The following SLC2A13 variants were observed in gnomAD, a reference collection of about 807,000 sequenced individuals.
SLC2A13 encodes the protein solute carrier family 2 member 13, also known as proton myo-inositol cotransporter.
In SLC2A13, 32 loss-of-function variants were observed where a neutral mutation model predicts 64.4. That is an observed-to-expected ratio of 0.50 (90% CI 0.37 to 0.67). The LOEUF is 0.67. Ranked by LOEUF, SLC2A13 falls within the 30% of genes least tolerant of loss-of-function variation. SLC2A13 has a pLI of 0.00. For synonymous variants in SLC2A13, 338 were observed against 327.1 expected (o/e 1.03, Z -0.36); for missense variants, 743 against 829.2 (o/e 0.90, Z 1.28).
chr12:39,999,416 T>G (rs1287362216), intron 3 of SLC2A13, among the ~76,000 whole-genome samples: 1 of 152,106 alleles, frequency 6.6e-6, no homozygotes, highest in African/African-American at 2.4e-5. Context: ...ATTAATACCC[T>G]GGAGAAGGAA....
chr12:39,797,378 T>C (rs1941611500), intron 7 of SLC2A13, among the ~76,000 whole-genome samples: 1 of 152,168 alleles, frequency 6.6e-6, no homozygotes, highest in African/African-American at 2.4e-5. Context: ...ATAATCCTAT[T>C]TTCCTATTTC....
chr12:40,003,556 T>A (rs1490918626), intron 3 of SLC2A13, among the ~76,000 whole-genome samples: 2 of 152,110 alleles, frequency 1.3e-5, no homozygotes. Context: ...GTTGGTTCCC[T>A]ATCAACGTGT....
chr12:39,848,497 G>A (rs1438961534), intron 6 of SLC2A13, among the ~76,000 whole-genome samples: 2 of 152,092 alleles, frequency 1.3e-5, no homozygotes, highest in African/African-American at 4.8e-5. Flanking sequence ...CAGTCAGAAT[G>A]GCTATTATTA....
chr12:39,945,287 A>G (rs1053598484), intron 4 of SLC2A13, among the ~76,000 whole-genome samples: 3 of 152,114 alleles, frequency 2.0e-5, no homozygotes, highest in African/African-American at 7.2e-5. Context: ...ACAGCTCTTA[A>G]GATTCTTTCC....
At chr12:39,868,823 C>T (rs1366161768) in intron 5 of SLC2A13, among the ~76,000 whole-genome samples, 1 of 152,118 alleles carries the variant, frequency 6.6e-6, no homozygotes, top group African/African-American at 2.4e-5. Flanking sequence ...CCAAAAATGT[C>T]CTACATTTAA....
At position 39,760,267 on chromosome 12, in the gene SLC2A13, A is replaced by AATAG. The variant is rs1940085670; in HGVS notation, c.1721-19_1721-16dup. 1 of 1,594,004 alleles carries AATAG rather than the reference A, an allele frequency of 6.3e-7. No homozygotes were observed. Among genetic ancestry groups the AATAG allele is most frequent in the Admixed American group, 1.7e-5 (1 of 58,882 alleles). On this transcript the variant is annotated splice_polypyrimidine_tract_variant and intron_variant, in intron 9 of 9. Coordinates refer to ENST00000280871, the MANE Select transcript of SLC2A13 (RefSeq NM_052885.4). ...GAAGAAAGCTCCTGCAACGGAATAT[A>AATAG]ATAGATACATGAATATGAATATATA...
intron 1 of SLC2A13, among the ~76,000 whole-genome samples, chr12:40,073,531 C>A (rs1468474997): frequency 1.3e-5 from 2 of 152,002 alleles, no homozygotes; most frequent in Non-Finnish European, 2.9e-5. Context: ...TTACGTAGAT[C>A]TGAGTTTCTG....
At chr12:39,762,310 C>CAGTT (rs1217199255) in intron 9 of SLC2A13, among the ~76,000 whole-genome samples, 1 of 149,662 alleles carries the variant, frequency 6.7e-6, no homozygotes, top group Non-Finnish European at 1.5e-5. Flanking sequence ...GACTATTGAA[C>CAGTT]AGTTAGATAT....
At chr12:40,007,077 TCTTA>T (rs2136189640) in intron 3 of SLC2A13, among the ~76,000 whole-genome samples, 1 of 152,312 alleles carries the variant, frequency 6.6e-6, no homozygotes, top group Admixed American at 6.5e-5. Flanking sequence ...TTTCTTTCTT[TCTTA>T]CTAAAGTTGA....
chr12:40,098,486 T>C (rs764963929), intron 1 of SLC2A13, among the ~76,000 whole-genome samples: 10 of 152,252 alleles, frequency 6.6e-5, no homozygotes, highest in Admixed American at 1.3e-4. Flanking sequence ...ATAAATGTTA[T>C]GTGTTCTTTA....
chr12:39,916,571 C>T (rs377121914), intron 4 of SLC2A13, among the ~76,000 whole-genome samples: 28 of 151,934 alleles, frequency 1.8e-4, no homozygotes, highest in African/African-American at 4.8e-4. Flanking sequence ...TTTCGTGTTA[C>T]GAGAAAAACA....
intron 4 of SLC2A13, 193 bp downstream of exon 4, chr12:39,951,063 AT>A: frequency 2.2e-6 from 1 of 462,042 alleles, no homozygotes; most frequent in Admixed American, 4.2e-5. Flanking sequence ...AACAAACAAA[AT>A]AAATCACCTT....
rs540674673 is a variant in SLC2A13, at chr12:39,797,924, G to C, written c.1445+32179C>G. 1.1e-4 allele frequency among the ~76,000 whole-genome samples: 16 copies of C among 152,296 alleles called. No homozygotes were observed. The South Asian group carries it at 3.1e-3, about 30-fold the overall frequency. ...GTCAGCCTCCAGAATATCCCCCAGT[G>C]ATCTTACTTCCTAGTGTTCATGCCC... is the stretch of plus-strand genomic sequence containing the variant. On this transcript the variant is annotated intron_variant, in intron 7 of 9. Transcript: ENST00000280871.
intron 7 of SLC2A13, among the ~76,000 whole-genome samples, chr12:39,784,112 A>G (rs574880119): frequency 1.3e-5 from 2 of 152,214 alleles, no homozygotes; most frequent in Non-Finnish European, 2.9e-5. Flanking sequence ...ATGCTCATGG[A>G]TAGGAAGAAT....
At chr12:40,001,687 C>G (rs985331399) in intron 3 of SLC2A13, among the ~76,000 whole-genome samples, 2 of 152,292 alleles carry the variant, frequency 1.3e-5, no homozygotes, top group East Asian at 3.9e-4. Context: ...GGCACTGAAA[C>G]TATGATCTTG....
At chr12:40,011,941 T>G (rs1249922916) in intron 3 of SLC2A13, among the ~76,000 whole-genome samples, 1 of 152,186 alleles carries the variant, frequency 6.6e-6, no homozygotes, top group Admixed American at 6.5e-5. Flanking sequence ...CGCGTGTCCA[T>G]GAAGCCAGCC....
intron 3 of SLC2A13, among the ~76,000 whole-genome samples, chr12:39,961,316 T>G (rs1348009158): frequency 1.3e-5 from 2 of 152,104 alleles, no homozygotes; most frequent in African/African-American, 4.8e-5. Flanking sequence ...TGACCTCAAG[T>G]GATCTACCTG....
intron 7 of SLC2A13, among the ~76,000 whole-genome samples, chr12:39,789,304 TTA>T (rs1444330669): frequency 6.6e-6 from 1 of 152,108 alleles, no homozygotes; most frequent in Non-Finnish European, 1.5e-5. Flanking sequence ...TAATGGATTA[TTA>T]TATGATTTAT....
chr12:39,821,338 A>C (rs1281658015), intron 7 of SLC2A13, among the ~76,000 whole-genome samples: 1 of 151,950 alleles, frequency 6.6e-6, no homozygotes, highest in African/African-American at 2.4e-5. Context: ...TGAACCCGGG[A>C]GGCGGAGCTT....
Sources: allele counts gnomAD v4.1 joint callset (sites outside exome capture counted in the v4.1 genomes callset), GRCh38; gene constraint gnomAD v4.1.1; transcripts MANE v1.5; gene names NCBI Gene and HGNC (gene_info 2026-07-23, HGNC 2026-07-21).